AOPEP: variants seen among roughly 807,000 people sequenced by gnomAD.
AOPEP encodes the protein aminopeptidase O.
Under a neutral mutation model 98.1 loss-of-function variants are expected in AOPEP, and 77 were observed. That is an observed-to-expected ratio of 0.78 (90% CI 0.65 to 0.95). The LOEUF (loss-of-function observed/expected upper bound fraction) is 0.95, where lower values mean the gene tolerates loss of function less well. Among genes scored for constraint, AOPEP ranks in the 40% least tolerant of loss-of-function variants. The probability of loss-of-function intolerance (pLI) is 0.00; values close to 1 mark genes in which losing one functional copy is unlikely to be tolerated. For missense variants in AOPEP, 1,024 were observed against 1,024.7 expected, an observed-to-expected ratio of 1.00 and a Z score of 0.01; for synonymous variants, 346 against 365.3, an observed-to-expected ratio of 0.95 and a Z score of 0.60.
At chr9:95,122,050 G>A in the AOPEP span, among the ~76,000 whole-genome samples, 1 of 151,830 alleles carries the variant, frequency 6.6e-6, no homozygotes, top group Admixed American at 6.6e-5. Context: ...AGTAGAGACA[G>A]GGTTTCACCG....
intron 5 of AOPEP, among the ~76,000 whole-genome samples, chr9:94,920,807 CT>C (rs564357241): frequency 1.2e-3 from 183 of 152,250 alleles, no homozygotes; most frequent in African/African-American, 4.2e-3. Context: ...TATTTTTAAT[CT>C]CGAGGGGCAA....
intron 5 of AOPEP, among the ~76,000 whole-genome samples, chr9:94,891,070 G>A (rs1294072473): frequency 6.6e-6 from 1 of 152,160 alleles, no homozygotes; most frequent in Non-Finnish European, 1.5e-5. Flanking sequence ...GTAGATTGCC[G>A]GTTTCTCCTT....
At chr9:94,993,750 A>G (rs2061044297) in intron 11 of AOPEP, among the ~76,000 whole-genome samples, 2 of 152,172 alleles carry the variant, frequency 1.3e-5, no homozygotes, top group African/African-American at 4.8e-5. Flanking sequence ...TGACTTTGCA[A>G]TATGACATTA....
intron 5 of AOPEP, among the ~76,000 whole-genome samples, chr9:94,803,942 A>G (rs915286166): frequency 6.6e-6 from 1 of 152,178 alleles, no homozygotes; most frequent in Non-Finnish European, 1.5e-5. Context: ...TAAAGTATAC[A>G]TTTCTTGACT....
At chr9:94,854,025 C>T (rs368244616) in intron 5 of AOPEP, among the ~76,000 whole-genome samples, 1 of 152,200 alleles carries the variant, frequency 6.6e-6, no homozygotes, top group East Asian at 1.9e-4. Context: ...AAACCCACAT[C>T]GTAAGAGAAG....
chr9:94,833,528 C>T (rs1008883414), intron 5 of AOPEP, among the ~76,000 whole-genome samples: 4 of 152,068 alleles, frequency 2.6e-5, no homozygotes, highest in East Asian at 1.9e-4. Flanking sequence ...TGAGCCACCG[C>T]GCCTGGCTGT....
intron 1 of AOPEP, among the ~76,000 whole-genome samples, chr9:94,745,316 G>A (rs111912970): frequency 6.7e-6 from 1 of 148,736 alleles, no homozygotes; most frequent in Non-Finnish European, 1.5e-5. Context: ...TGGCTCTGTC[G>A]CCTAGGCTGG....
chr9:94,804,319 G>A (rs1212250380), intron 5 of AOPEP, among the ~76,000 whole-genome samples: 1 of 152,146 alleles, frequency 6.6e-6, no homozygotes, highest in African/African-American at 2.4e-5. Flanking sequence ...TACATGTCAT[G>A]GCATAGTTAG....
chr9:94,981,526 T>C (rs1247598387), intron 11 of AOPEP, among the ~76,000 whole-genome samples: 1 of 152,182 alleles, frequency 6.6e-6, no homozygotes, highest in Non-Finnish European at 1.5e-5. Flanking sequence ...ATGGTGTCTT[T>C]GCGTCTCTTC....
the AOPEP span, chr9:95,099,069 A>C: frequency 5.3e-6 from 1 of 187,742 alleles, no homozygotes; most frequent in Non-Finnish European, 1.1e-5. Flanking sequence ...TGCAAACTGA[A>C]GTTTTATTTA....
At position 94,864,791 on chromosome 9, in the gene AOPEP, T is replaced by C. The variant is rs1390030596; in HGVS notation, c.1365-59195T>C. ...TGCATTTCATACACAACAGTATAATTCAGTTATTTTAATTTTATAATAGGT... is the reference window on the plus strand; with the variant it reads ...TGCATTTCATACACAACAGTATAATCCAGTTATTTTAATTTTATAATAGGT... On this transcript the variant is annotated intron_variant, in intron 5 of 16. Coordinates refer to ENST00000375315, the MANE Select transcript of AOPEP (RefSeq NM_001193329.3). Among the ~76,000 whole-genome samples the C allele has an allele frequency of 2.6e-5, 4 of 152,192 alleles. No homozygotes were observed. In the East Asian group the frequency reaches 5.8e-4, roughly 22 times the overall value.
At chr9:94,943,930 A>AC (rs1176955746) in intron 7 of AOPEP, among the ~76,000 whole-genome samples, 22 of 147,928 alleles carry the variant, frequency 1.5e-4, no homozygotes, top group South Asian at 4.5e-4. Flanking sequence ...AAAAAAAAAA[A>AC]AAAAAAAAAA....
intron 5 of AOPEP, among the ~76,000 whole-genome samples, chr9:94,822,104 A>G (rs1416455636): frequency 6.6e-6 from 1 of 152,114 alleles, no homozygotes; most frequent in African/African-American, 2.4e-5. Context: ...CAGGGCACTC[A>G]TTACATAGAG....
chr9:94,820,348 C>CATGCAG (rs1178197628), intron 5 of AOPEP, among the ~76,000 whole-genome samples: 1 of 152,192 alleles, frequency 6.6e-6, no homozygotes, highest in African/African-American at 2.4e-5. Context: ...TGTGTTCCTT[C>CATGCAG]ATGCAGATGC....
intron 7 of AOPEP, chr9:94,932,001 A>C: frequency 8.3e-7 from 1 of 1,206,270 alleles, no homozygotes; most frequent in Non-Finnish European, 1.1e-6. Context: ...GCTCAGAAAG[A>C]CTGAATAACG....
intron 11 of AOPEP, among the ~76,000 whole-genome samples, chr9:94,998,450 GT>G (rs1424151395): frequency 1.3e-5 from 2 of 152,120 alleles, no homozygotes; most frequent in Non-Finnish European, 2.9e-5. Context: ...GTGCTCTCTG[GT>G]AGGGGTGCTT....
the AOPEP span, among the ~76,000 whole-genome samples, chr9:95,130,316 G>T: frequency 6.6e-6 from 1 of 151,990 alleles, no homozygotes; most frequent in Non-Finnish European, 1.5e-5. Context: ...GAGAGAGAGA[G>T]AGAGAGAATA....
intron 11 of AOPEP, among the ~76,000 whole-genome samples, chr9:95,001,886 T>A (rs1315057253): frequency 3.3e-5 from 5 of 151,496 alleles, no homozygotes; most frequent in Non-Finnish European, 7.4e-5. Flanking sequence ...CAAGTGATCC[T>A]CCCACCTCAC....
intron 5 of AOPEP, among the ~76,000 whole-genome samples, chr9:94,902,267 G>A (rs1355871056): frequency 1.3e-5 from 2 of 152,202 alleles, no homozygotes; most frequent in Non-Finnish European, 2.9e-5. Flanking sequence ...TGTTCAGCAG[G>A]TGAGAAAGGA....
Sources: allele counts gnomAD v4.1 joint callset (sites outside exome capture counted in the v4.1 genomes callset), GRCh38; gene constraint gnomAD v4.1.1; transcripts MANE v1.5; gene names NCBI Gene and HGNC (gene_info 2026-07-23, HGNC 2026-07-21).